The following BMP2K variants were observed in gnomAD, a reference collection of about 807,000 sequenced individuals.
BMP2K encodes BMP-2-inducible protein kinase.
In BMP2K, 74 loss-of-function variants were observed where a neutral mutation model predicts 116.0. That is an observed-to-expected ratio of 0.64 (90% CI 0.53 to 0.77). BMP2K has a LOEUF of 0.77. BMP2K is among the 30% of genes least tolerant of loss of function. BMP2K has a pLI of 0.00. For missense variants in BMP2K, 1,365 were observed against 1,403.6 expected (o/e 0.97, Z 0.44); for synonymous variants, 486 against 502.5 (o/e 0.97, Z 0.44).
At position 78,912,680 on chromosome 4, in the gene BMP2K, T is replaced by C. The variant is rs1446077114; in HGVS notation, c.*647T>C. On this transcript the variant is annotated 3_prime_UTR_variant, in exon 16 of 16. Transcript: ENST00000502613. Reference sequence around the variant, plus strand: ...ATAAGCATATGAAATAATGTGTAATTAGCTCAATTTAACTATTCCACAACT... The same window carrying C: ...ATAAGCATATGAAATAATGTGTAATCAGCTCAATTTAACTATTCCACAACT... 6.6e-6 allele frequency: 1 copy of C among 152,158 alleles called. No homozygotes were observed. The highest frequency in any genetic ancestry group is 1.5e-5 in the Non-Finnish European group (1 of 68,016). The allele number at this position is 152,158 out of a possible 1,614,324, so 9.4% of individuals were successfully genotyped here.
chr4:78,832,975 A>G (rs1032183480), intron 2 of BMP2K, among the ~76,000 whole-genome samples: 2 of 152,016 alleles, frequency 1.3e-5, no homozygotes, highest in Non-Finnish European at 2.9e-5. Flanking sequence ...GTAGGTTATT[A>G]TTCTTAACCT....
At chr4:78,901,309 C>A (rs956744152) in intron 15 of BMP2K, among the ~76,000 whole-genome samples, 1 of 151,816 alleles carries the variant, frequency 6.6e-6, no homozygotes, top group Admixed American at 6.6e-5. Context: ...AAGCCTTTTA[C>A]CTCAGCCTCC....
intron 10 of BMP2K, among the ~76,000 whole-genome samples, chr4:78,869,504 TAGAA>T (rs1732226205): frequency 6.6e-6 from 1 of 152,086 alleles, no homozygotes; most frequent in Non-Finnish European, 1.5e-5. Context: ...TTCAAATAGG[TAGAA>T]AGAGGATATT....
chr4:78,837,370 A>G (rs904428922), intron 3 of BMP2K, among the ~76,000 whole-genome samples: 1 of 150,766 alleles, frequency 6.6e-6, no homozygotes, highest in Non-Finnish European at 1.5e-5. Flanking sequence ...AATTTTTGTA[A>G]TTTTAGTAGA....
chr4:78,829,472 C>T (rs551319811), intron 2 of BMP2K, among the ~76,000 whole-genome samples: 27 of 151,522 alleles, frequency 1.8e-4, no homozygotes, highest in Middle Eastern at 3.4e-3. Flanking sequence ...AATTCCTCAG[C>T]ATCATCTGTG....
At chr4:78,837,914 A>AACACT (rs1333184095) in intron 3 of BMP2K, among the ~76,000 whole-genome samples, 1 of 152,198 alleles carries the variant, frequency 6.6e-6, no homozygotes, top group Non-Finnish European at 1.5e-5. Flanking sequence ...AAGTGTTGCG[A>AACACT]TTAAGGGCAG....
At chr4:78,872,153 G>A (rs1265856220) in intron 12 of BMP2K, among the ~76,000 whole-genome samples, 2 of 152,066 alleles carry the variant, frequency 1.3e-5, no homozygotes, top group African/African-American at 2.4e-5. Context: ...GTAATTGACC[G>A]ATAACGTACT....
In BMP2K at chr4:78,911,375, C is replaced by T. The variant is rs750388426; in HGVS notation, c.2828C>T (p.Ser943Leu). 2.7e-5 allele frequency: 44 copies of T among 1,613,844 alleles called. No homozygotes were observed. In the Admixed American group the frequency reaches 7.3e-4, roughly 27 times the overall value. The change falls in exon 16 of 16, where the codon TCA becomes TTA. Residue 943 changes from serine to leucine, a missense_variant. Ser to Leu is a moderately radical substitution (Grantham distance 145, BLOSUM62 -2). Around this residue, in one of 3 missense-constraint regions of BMP2K, gnomAD observed 596 missense variants for 623.2 expected, o/e 0.96. Transcript: ENST00000502613. Reference protein sequence around the residue: ...GSTPFQPFLTSTSKSESNEDL... With the variant: ...GSTPFQPFLTLTSKSESNEDL... ...ACTCCATTTCAGCCCTTCCTCACAT[C>T]AACAAGTAAAAGTGAAAGCAATGAG...
At chr4:78,842,342 A>AT in intron 3 of BMP2K, 43 bp from the exon 4 acceptor site, 1 of 1,515,668 alleles carries the variant, frequency 6.6e-7, no homozygotes. Flanking sequence ...GATAGACTTT[A>AT]TTTATTAAAA....
At chr4:78,814,047 A>C (rs1729213220) in intron 1 of BMP2K, among the ~76,000 whole-genome samples, 1 of 152,186 alleles carries the variant, frequency 6.6e-6, no homozygotes, top group African/African-American at 2.4e-5. Flanking sequence ...GCAATGTAAG[A>C]ATGAGTCTAG....
intron 6 of BMP2K, 92 bp downstream of exon 6, chr4:78,847,361 TCC>T (rs1731058889): frequency 1.2e-6 from 1 of 812,692 alleles, no homozygotes; most frequent in African/African-American, 1.8e-5. Flanking sequence ...AAAAGGCATT[TCC>T]TAATAAGTAG....
rs1173975020 is a variant in BMP2K at position 78,870,844 on chromosome 4, G to A, written c.1293G>A (p.Pro431=). Residue 431 remains proline, a synonymous_variant, in exon 11 of 16, where the codon CCG becomes CCA. Transcript: ENST00000502613. The part of the protein sequence containing the change: ...ILLGQGPPQQ[P]PQQHRVLQQL... ...TGGGTCAGGGACCTCCTCAGCAGCC[G>A]CCACAGCAGCATAGAGTACTCCAGC... 12 of 1,613,834 alleles carry A rather than the reference G, an allele frequency of 7.4e-6. No individual in the cohort carries two copies. The highest frequency in any genetic ancestry group is 2.2e-5 in the East Asian group (1 of 44,892).
rs1241022953 is a variant in BMP2K at position 78,912,989 on chromosome 4, A to C, written c.*956A>C. 2 of 152,110 alleles carry C rather than the reference A, an allele frequency of 1.3e-5. No homozygotes were observed. The highest frequency in any genetic ancestry group is 4.8e-5 in the African/African-American group (2 of 41,380). The allele number at this position is 152,110 out of a possible 1,614,324, so 9.4% of individuals were successfully genotyped here. ...ATTGGAGGACAAGGGTTGTATAAAAATTTTATTTTATGAAGAAAATATGTA... is the reference window on the plus strand; with the variant it reads ...ATTGGAGGACAAGGGTTGTATAAAACTTTTATTTTATGAAGAAAATATGTA... On this transcript the variant is annotated 3_prime_UTR_variant, in exon 16 of 16. Transcript: ENST00000502613.
At position 78,861,458 on chromosome 4, in the gene BMP2K, A is replaced by T; in HGVS notation, c.1057A>T (p.Ile353Leu). The change falls in exon 9 of 16, where the codon ATA becomes TTA. Residue 353 changes from isoleucine (I) to leucine (L), a missense_variant. By Grantham distance (5) the Ile-to-Leu change is conservative. Transcript: ENST00000502613. Reference sequence around the variant, plus strand: ...TGAAGCAGCTGCTAGGAAAAGCCAAATAAAAGCCAGGTAGGCAAAACTATG... The same window carrying T: ...TGAAGCAGCTGCTAGGAAAAGCCAATTAAAAGCCAGGTAGGCAAAACTATG... ...ASEAAARKSQIKARITDTIGP... is the reference protein window; with the variant it reads ...ASEAAARKSQLKARITDTIGP... 1 of 1,608,860 alleles carries T rather than the reference A, an allele frequency of 6.2e-7. No individual in the cohort carries two copies. The highest frequency in any genetic ancestry group is 8.5e-7 in the Non-Finnish European group (1 of 1,176,592).
Position 78,911,790 on chromosome 4 carries a change from G to A in BMP2K, c.3243G>A (p.Trp1081Ter). The A allele has an allele frequency of 6.2e-7, 1 of 1,613,982 alleles. No individual in the cohort carries two copies. The highest frequency in any genetic ancestry group is 8.5e-7 in the Non-Finnish European group (1 of 1,179,888). ...CCTTCCATTCTCCAGACCTGTCATG[G>A]CACCCTCCACATCAGGGCCTGAGCG... Reference protein sequence around the residue: ...AKPFHSPDLSWHPPHQGLSDI... With the variant: ...AKPFHSPDLS Residue 1081 changes from tryptophan to a stop codon, truncating the protein, a stop_gained, in exon 16 of 16, where the codon TGG becomes TGA. Transcript: ENST00000502613. LOFTEE classifies it high-confidence loss of function.
chr4:78,856,938 C>G (rs1194193175), intron 7 of BMP2K, among the ~76,000 whole-genome samples: 1 of 152,070 alleles, frequency 6.6e-6, no homozygotes, highest in Non-Finnish European at 1.5e-5. Flanking sequence ...ATTCTTTTTT[C>G]TAGTCTAACA....
intron 3 of BMP2K, 25 bp downstream of exon 3, chr4:78,833,712 T>C (rs373652417): frequency 3.3e-6 from 5 of 1,534,404 alleles, no homozygotes; most frequent in Non-Finnish European, 4.4e-6. Flanking sequence ...GCATTTGTAC[T>C]GTAATAAAAA....
chr4:78,878,715 TA>T lies in BMP2K; in HGVS notation c.1794-18del, dbSNP rs1560542493. The T allele has an allele frequency of 1.3e-6, 2 of 1,552,070 alleles. No homozygotes were observed. The highest frequency in any genetic ancestry group is 8.7e-7 in the Non-Finnish European group (1 of 1,149,394). ...TTTTTCTTTCCATCTTCTTTTTTCTTACTCAATTATTACTATAGGTCAGTTG... is the reference window on the plus strand; with the variant it reads ...TTTTTCTTTCCATCTTCTTTTTTCTTCTCAATTATTACTATAGGTCAGTTG... On this transcript the variant is annotated intron_variant, in intron 13 of 15. Transcript: ENST00000502613.
At chr4:78,877,938 T>G (rs1315569377) in intron 13 of BMP2K, among the ~76,000 whole-genome samples, 1 of 152,156 alleles carries the variant, frequency 6.6e-6, no homozygotes, top group Non-Finnish European at 1.5e-5. Context: ...AAGGTCATTA[T>G]GTGGTATATG....
Sources: allele counts gnomAD v4.1 joint callset (sites outside exome capture counted in the v4.1 genomes callset), GRCh38; gene constraint gnomAD v4.1.1; regional missense constraint gnomAD v4.1.1; transcripts MANE v1.5; gene names NCBI Gene and HGNC (gene_info 2026-07-23, HGNC 2026-07-21).